Variants in PPP1R10 observed in about 807,000 individuals in gnomAD.
The protein encoded by PPP1R10 is serine/threonine-protein phosphatase 1 regulatory subunit 10.
A neutral mutation model predicts 99.0 loss-of-function variants in PPP1R10; 15 were observed. The ratio of observed to expected loss-of-function variants is 0.15; its 90% CI spans 0.10 to 0.23. The LOEUF (loss-of-function observed/expected upper bound fraction) is 0.23, where lower values mean the gene tolerates loss of function less well. PPP1R10 is among the 10% of genes least tolerant of loss of function. The pLI, the probability that PPP1R10 is intolerant of heterozygous loss-of-function variation, is 1.00. For synonymous variants in PPP1R10, 430 were observed against 449.5 expected, an observed-to-expected ratio of 0.96 and a Z score of 0.55; for missense variants, 947 against 1,259.4, an observed-to-expected ratio of 0.75 and a Z score of 3.75.
rs1287253628 is a variant in PPP1R10 at position 30,602,840 on chromosome 6, A to G, written c.1957+6T>C. ...AGCCCATTCCAACCTTTTACTCACCACCTACCTGGCATAGGTCCCCCAGGT... is the reference window on the plus strand; with the variant it reads ...AGCCCATTCCAACCTTTTACTCACCGCCTACCTGGCATAGGTCCCCCAGGT... On this transcript the variant is annotated splice_donor_region_variant and intron_variant, in intron 18 of 19. Coordinates refer to ENST00000376511, the MANE Select transcript of PPP1R10 (RefSeq NM_002714.4). The surrounding 1 kb of genome is among the most constrained non-coding windows in gnomAD (Gnocchi z 6.7). 1 of 1,552,108 alleles carries G rather than the reference A, an allele frequency of 6.4e-7. No individual in the cohort carries two copies. Among genetic ancestry groups the G allele is most frequent in the Non-Finnish European group, 8.7e-7 (1 of 1,146,376 alleles).
chr6:30,609,966 A>T lies in PPP1R10; in HGVS notation c.-11-11T>A. ...CCATGATGGTGGTTTCTATGGTAAG[A>T]GGACAAAACAAACAAACCCACAGAA... On this transcript the variant is annotated splice_polypyrimidine_tract_variant and intron_variant, in intron 2 of 19. Coordinates refer to ENST00000376511, the MANE Select transcript of PPP1R10 (RefSeq NM_002714.4). This position sits in a 1 kb window ranked among gnomAD's most constrained non-coding sequence, Gnocchi z 4.5. 6.3e-7 allele frequency: 1 copy of T among 1,584,304 alleles called. No individual in the cohort carries two copies. Among genetic ancestry groups the T allele is most frequent in the Non-Finnish European group, 8.7e-7 (1 of 1,152,800 alleles).
At chr6:30,612,011 A>G (rs879542632) in intron 2 of PPP1R10, among the ~76,000 whole-genome samples, 1 of 152,244 alleles carries the variant, frequency 6.6e-6, no homozygotes, top group Non-Finnish European at 1.5e-5. Flanking sequence ...AGGGACACAT[A>G]AAACAGATAT....
Position 30,609,189 on chromosome 6 carries a change from A to G in PPP1R10, c.108-26T>C, listed in dbSNP as rs753327832. 1.9e-6 allele frequency: 3 copies of G among 1,609,190 alleles called. No individual in the cohort carries two copies. The highest frequency in any genetic ancestry group is 2.5e-6 in the Non-Finnish European group (3 of 1,176,674). The stretch of plus-strand genomic sequence containing the variant: ...CTGCAGAAGATGAGTTAGGGTTAGA[A>G]ATGAAGCAGCCAGTATCTCTTCTCT... On this transcript the variant is annotated intron_variant, in intron 3 of 19. Transcript: ENST00000376511. This position sits in a 1 kb window ranked among gnomAD's most constrained non-coding sequence, Gnocchi z 4.5.
intron 10 of PPP1R10, 138 bp downstream of exon 10, chr6:30,605,785 G>A (rs17189155): frequency 0.023 from 18,261 of 808,180 alleles, 439 homozygotes; most frequent in African/African-American, 0.095. Context: ...GCGTGAACCC[G>A]GGAGGCGGAG....
At position 30,616,883 on chromosome 6, in the gene PPP1R10, GGCT is replaced by G. The variant is rs1760633959; in HGVS notation, c.-420_-418del. On this transcript the variant is annotated 5_prime_UTR_variant, in exon 2 of 20. Coordinates refer to ENST00000376511, the MANE Select transcript of PPP1R10 (RefSeq NM_002714.4). ...AGAAGACACAAGTGGTTGGGCTGGT[GGCT>G]GCTGTTTTCCCTTTCCCCCCTCTCT... The G allele has an allele frequency of 6.6e-6, 1 of 152,258 alleles. No individual in the cohort carries two copies. The highest frequency in any genetic ancestry group is 1.5e-5 in the Non-Finnish European group (1 of 68,088). The allele number at this position is 152,258 out of a possible 1,614,324, so 9.4% of individuals were successfully genotyped here.
intron 2 of PPP1R10, among the ~76,000 whole-genome samples, chr6:30,613,422 C>T (rs1219847171): frequency 1.3e-5 from 2 of 152,174 alleles, no homozygotes; most frequent in Admixed American, 1.3e-4. Context: ...CCCTTATGTT[C>T]CCCTTCCTTT....
At chr6:30,607,117 AAT>A (rs922187366) in intron 6 of PPP1R10, among the ~76,000 whole-genome samples, 1 of 152,226 alleles carries the variant, frequency 6.6e-6, no homozygotes, top group Non-Finnish European at 1.5e-5. Flanking sequence ...AATATTTCAG[AAT>A]ATGTGGTTAA....
intron 2 of PPP1R10, among the ~76,000 whole-genome samples, chr6:30,614,314 G>T (rs1206192840): frequency 1.3e-5 from 2 of 151,684 alleles, no homozygotes; most frequent in East Asian, 1.9e-4. Context: ...AAAAAAAAAT[G>T]AAAGTTGTGA....
At chr6:30,615,713 A>T (rs1324735580) in intron 2 of PPP1R10, among the ~76,000 whole-genome samples, 2 of 152,182 alleles carry the variant, frequency 1.3e-5, no homozygotes, top group African/African-American at 4.8e-5. Flanking sequence ...AAAAATATCA[A>T]GTTAAAATGT....
chr6:30,605,264 CTTG>C (rs1021133597), intron 10 of PPP1R10, among the ~76,000 whole-genome samples, 170 bp from the exon 11 acceptor site: 7 of 152,112 alleles, frequency 4.6e-5, no homozygotes, highest in African/African-American at 1.2e-4. Flanking sequence ...ACAGGATATT[CTTG>C]TTGTTATTCT....
chr6:30,603,041 C>G, intron 17 of PPP1R10, 82 bp from the exon 18 acceptor site: 5 of 1,386,670 alleles, frequency 3.6e-6, no homozygotes, highest in Admixed American at 2.2e-5. Flanking sequence ...ACCAACTGAC[C>G]CTCTCAAACC....
Position 30,601,564 on chromosome 6 carries a change from C to G in PPP1R10, c.2808G>C (p.Gly936=), listed in dbSNP as rs748317650. Residue 936 remains glycine (G), a synonymous_variant, in exon 20 of 20, where the codon GGG becomes GGC. Transcript: ENST00000376511. The part of the protein sequence containing the change: ...NCAFYHPGVN[G]PPLP ...CAAATGGTCCCTAGGGCAGGGGGGG[C>G]CCATTGACACCCGGGTGGTAGAAGG... The G allele has an allele frequency of 8.1e-6, 13 of 1,613,750 alleles. No individual in the cohort carries two copies. The highest frequency in any genetic ancestry group is 2.7e-5 in the African/African-American group (2 of 74,872).
In PPP1R10 at chr6:30,605,938, T is replaced by A; in HGVS notation, c.838A>T (p.Ile280Phe). The part of the protein sequence containing the change: ...PNATKEIKVK[I>F]IPPQPMEGLG... ...TTAGACTCACGCTGTGGCGGGATGA[T>A]CTTCACTTTGATCTCTTTGGTGGCA... Residue 280 changes from isoleucine to phenylalanine, a missense_variant, in exon 10 of 20, where the codon ATC becomes TTC. Physicochemically the swap from Ile to Phe is conservative, Grantham distance 21. This residue lies in a region of PPP1R10 where 26 missense variants were observed against 56.6 expected (regional missense o/e 0.46). Coordinates refer to ENST00000376511, the MANE Select transcript of PPP1R10 (RefSeq NM_002714.4). 6.2e-7 allele frequency: 1 copy of A among 1,613,314 alleles called. No individual in the cohort carries two copies. The highest frequency in any genetic ancestry group is 1.1e-5 in the South Asian group (1 of 91,074).
Position 30,602,647 on chromosome 6 carries a change from C to T in PPP1R10, c.2002G>A (p.Gly668Ser). ...CCTCCCCGGGGAGGGGGTGGAGGAC[C>T]CAGAAGACGTGGACCCACTGGCCCA... ...PGGPVGPRLLGPPPPPRGGDP... is the reference protein window; with the variant it reads ...PGGPVGPRLLSPPPPPRGGDP... The change falls in exon 19 of 20, where the codon GGT becomes AGT. Residue 668 changes from glycine (G) to serine (S), a missense_variant. Physicochemically the swap from Gly to Ser is moderately conservative, Grantham distance 56 (BLOSUM62 0). Transcript: ENST00000376511. This position sits in a 1 kb window ranked among gnomAD's most constrained non-coding sequence, Gnocchi z 6.7. The T allele has an allele frequency of 6.3e-7, 1 of 1,587,872 alleles. No individual in the cohort carries two copies. Among genetic ancestry groups the T allele is most frequent in the Non-Finnish European group, 8.6e-7 (1 of 1,169,332 alleles).
chr6:30,611,660 A>T (rs1011146679), intron 2 of PPP1R10, among the ~76,000 whole-genome samples: 9 of 152,160 alleles, frequency 5.9e-5, no homozygotes, highest in African/African-American at 1.9e-4. Context: ...CTAACAACCT[A>T]GGCGAGCAGC....
At chr6:30,613,516 T>C (rs1052144250) in intron 2 of PPP1R10, among the ~76,000 whole-genome samples, 5 of 152,218 alleles carry the variant, frequency 3.3e-5, no homozygotes, top group Admixed American at 1.3e-4. Context: ...AGGTCATAGC[T>C]TTCTTCCAAG....
chr6:30,605,373 C>T (rs923158490), intron 10 of PPP1R10, among the ~76,000 whole-genome samples: 1 of 151,112 alleles, frequency 6.6e-6, no homozygotes, highest in Non-Finnish European at 1.5e-5. Flanking sequence ...GATCACCTTA[C>T]CAGGTGCCCC....
chr6:30,600,612 G>A lies in PPP1R10; in HGVS notation c.*937C>T, dbSNP rs1803208686. ...AAATCATCTTGTTGAATCCACCCAG[G>A]AAGGCGCCTGGTGGGGATTCAGAGG... is the stretch of plus-strand genomic sequence containing the variant. On this transcript the variant is annotated 3_prime_UTR_variant, in exon 20 of 20. Coordinates refer to ENST00000376511, the MANE Select transcript of PPP1R10 (RefSeq NM_002714.4). The A allele has an allele frequency of 6.6e-6, 1 of 152,632 alleles. No individual in the cohort carries two copies. The highest frequency in any genetic ancestry group is 1.5e-5 in the Non-Finnish European group (1 of 68,060). The allele number at this position is 152,632 out of a possible 1,614,324, so 9.5% of individuals were successfully genotyped here.
intron 2 of PPP1R10, among the ~76,000 whole-genome samples, chr6:30,612,930 G>A (rs1179406339): frequency 6.6e-6 from 1 of 152,140 alleles, no homozygotes; most frequent in Non-Finnish European, 1.5e-5. Flanking sequence ...AAAGCTTTCT[G>A]GAACCACAAG....
Sources: allele counts gnomAD v4.1 joint callset (sites outside exome capture counted in the v4.1 genomes callset), GRCh38; gene constraint gnomAD v4.1.1; regional missense constraint gnomAD v4.1.1; non-coding constraint Gnocchi (gnomAD v3.1); transcripts MANE v1.5; gene names NCBI Gene and HGNC (gene_info 2026-07-23, HGNC 2026-07-21).